The following LSM2 variants were observed in gnomAD, a reference collection of about 807,000 sequenced individuals.
LSM2 encodes LSM2 homolog, U6 small nuclear RNA and mRNA degradation associated.
A neutral mutation model predicts 17.0 loss-of-function variants in LSM2; 12 were observed. The ratio of observed to expected loss-of-function variants is 0.70; its 90% CI spans 0.45 to 1.14. The LOEUF is 1.14. LSM2 is among the 50% of genes most tolerant of loss of function. The pLI is 0.00. For missense variants in LSM2, 62 were observed against 111.8 expected, an observed-to-expected ratio of 0.55 and a Z score of 2.01; for synonymous variants, 42 against 44.5, an observed-to-expected ratio of 0.94 and a Z score of 0.22.
chr6:31,804,273 T>C (rs554525856), intron 2 of LSM2, among the ~76,000 whole-genome samples: 68 of 151,450 alleles, frequency 4.5e-4, no homozygotes, highest in Non-Finnish European at 6.3e-4. Flanking sequence ...AGGCAGAGAA[T>C]TGCTTGAACC....
chr6:31,802,909 T>C (rs1337271806), intron 2 of LSM2: 2 of 152,022 alleles, frequency 1.3e-5, no homozygotes, highest in Non-Finnish European at 2.9e-5. Context: ...CAAGACTCTG[T>C]CTCAAAAACA....
At chr6:31,798,081 A>G (rs764629226) in intron 3 of LSM2, 32 bp from the exon 4 acceptor site, 2 of 1,446,854 alleles carry the variant, frequency 1.4e-6, no homozygotes, top group Non-Finnish European at 1.8e-6. Flanking sequence ...CATTATTATT[A>G]TTATTTTTTT....
At chr6:31,798,375 G>C in intron 3 of LSM2, 102 bp downstream of exon 3, 1 of 1,431,918 alleles carries the variant, frequency 7.0e-7, no homozygotes, top group Non-Finnish European at 9.7e-7. Context: ...CCTGGCCGAC[G>C]AACACCATTA....
chr6:31,806,545 C>CTCTCAGGGT, intron 1 of LSM2: 1 of 714,374 alleles, frequency 1.4e-6, no homozygotes. Context: ...CACTGAATCT[C>CTCTCAGGGT]TCTCAGGGTT....
intron 2 of LSM2, among the ~76,000 whole-genome samples, chr6:31,798,855 G>A (rs1278919042): frequency 6.7e-6 from 1 of 148,284 alleles, no homozygotes; most frequent in Non-Finnish European, 1.5e-5. Context: ...TCCTGCCTCA[G>A]TCTCCTGAGT....
At chr6:31,804,763 CTTTTTTTTTTTT>C (rs9279424) in intron 2 of LSM2, among the ~76,000 whole-genome samples, 2 of 104,908 alleles carry the variant, frequency 1.9e-5, no homozygotes, top group African/African-American at 7.0e-5. Context: ...TCTTTTTTTT[CTTTTTTTTTTTT>C]TTTTTTTTTG....
At chr6:31,801,736 C>T (rs1814717511) in intron 2 of LSM2, among the ~76,000 whole-genome samples, 1 of 152,102 alleles carries the variant, frequency 6.6e-6, no homozygotes, top group African/African-American at 2.4e-5. Context: ...GCAGAGGTTG[C>T]AGTGAGCCAA....
At chr6:31,800,026 A>G (rs1334484749) in intron 2 of LSM2, among the ~76,000 whole-genome samples, 1 of 152,156 alleles carries the variant, frequency 6.6e-6, no homozygotes, top group Non-Finnish European at 1.5e-5. Flanking sequence ...CCTCATCTCT[A>G]TTTTAAAGTT....
intron 2 of LSM2, among the ~76,000 whole-genome samples, chr6:31,801,161 G>A (rs1814677458): frequency 8.9e-6 from 1 of 112,118 alleles, no homozygotes. Context: ...ACAGAGTAAG[G>A]ATCTGTCTCA....
chr6:31,799,297 C>T (rs1294001972), intron 2 of LSM2, among the ~76,000 whole-genome samples: 4 of 151,882 alleles, frequency 2.6e-5, no homozygotes, highest in African/African-American at 7.3e-5. Context: ...AGTGAAATGG[C>T]GTGATCATGG....
chr6:31,798,075 A>G, intron 3 of LSM2, 26 bp from the exon 4 acceptor site: 1 of 1,501,418 alleles, frequency 6.7e-7, no homozygotes, highest in Non-Finnish European at 8.9e-7. Flanking sequence ...GAACACCATT[A>G]TTATTATTAT....
At chr6:31,797,937 C>A (rs537132025) in intron 4 of LSM2, 53 bp downstream of exon 4, 23 of 1,612,218 alleles carry the variant, frequency 1.4e-5, no homozygotes, top group Admixed American at 1.2e-4. Context: ...TCTAACCACC[C>A]AGGGGCCTCC....
chr6:31,802,074 G>A (rs1814744027), intron 2 of LSM2, among the ~76,000 whole-genome samples: 1 of 152,022 alleles, frequency 6.6e-6, no homozygotes, highest in Non-Finnish European at 1.5e-5. Flanking sequence ...GAGGTCAGGA[G>A]TTCAAGACCA....
chr6:31,797,608 T>G lies in LSM2; in HGVS notation c.*149A>C. On this transcript the variant is annotated 3_prime_UTR_variant, in exon 5 of 5. Transcript: ENST00000375661. ...GGATAGCTGTTCCCTATTACTCCTC[T>G]CATCCACTCATCCCTTAAAAAAAAC... The G allele has an allele frequency of 1.8e-6, 2 of 1,109,036 alleles. No individual in the cohort carries two copies. Among genetic ancestry groups the G allele is most frequent in the Non-Finnish European group, 2.6e-6 (2 of 767,774 alleles). The allele number at this position is 1,109,036 out of a possible 1,614,324, so 68.7% of individuals were successfully genotyped here.
intron 2 of LSM2, among the ~76,000 whole-genome samples, chr6:31,799,952 G>A (rs1222186629): frequency 6.6e-6 from 1 of 152,172 alleles, no homozygotes; most frequent in African/African-American, 2.4e-5. Flanking sequence ...CAAGCATTCT[G>A]GGAGGCTGAG....
rs758535485 is a variant in LSM2, at chr6:31,806,773, G to A, written c.-16C>T. On this transcript the variant is annotated 5_prime_UTR_variant, in exon 1 of 5. Transcript: ENST00000375661. ...TACCCACCATGGTGCTGGCGCCGCG[G>A]GCAGCGGGCCGGACCGGGAAGACAG... The A allele has an allele frequency of 9.3e-6, 15 of 1,609,656 alleles. No individual in the cohort carries two copies. In the East Asian group the frequency reaches 3.3e-4, roughly 36 times the overall value.
chr6:31,802,706 T>A (rs149947545), intron 2 of LSM2, among the ~76,000 whole-genome samples: 1,623 of 150,820 alleles, frequency 0.011, 12 homozygotes, highest in Middle Eastern at 0.034. Flanking sequence ...AGGTCAGGAG[T>A]TGGGAGACCA....
intron 2 of LSM2, 95 bp downstream of exon 2, chr6:31,805,980 C>T (rs1815008225): frequency 9.2e-7 from 1 of 1,087,412 alleles, no homozygotes; most frequent in Non-Finnish European, 1.4e-6. Context: ...GTACATCTTC[C>T]ACCTCGCCTA....
At chr6:31,799,929 C>G (rs1814600766) in intron 2 of LSM2, among the ~76,000 whole-genome samples, 1 of 152,156 alleles carries the variant, frequency 6.6e-6, no homozygotes, top group Non-Finnish European at 1.5e-5. Context: ...AATGGTTGTT[C>G]ACGCCTATAA....
Sources: gnomAD v4.1 joint callset for allele counts (sites outside exome capture counted in the v4.1 genomes callset) on GRCh38, gnomAD v4.1.1 for gene constraint, MANE v1.5 for transcripts, NCBI Gene and HGNC (gene_info 2026-07-23, HGNC 2026-07-21) for gene names.